ZFYVE28: variants seen among roughly 807,000 people sequenced by gnomAD.
The protein encoded by ZFYVE28 is lateral signaling target protein 2 homolog.
ZFYVE28 carries 40 observed loss-of-function variants against 82.1 expected under a neutral mutation model. The ratio of observed to expected loss-of-function variants is 0.49; its 90% CI spans 0.38 to 0.63. The LOEUF is 0.63. ZFYVE28 is among the 30% of genes least tolerant of loss of function. The pLI is 0.00. For synonymous variants in ZFYVE28, 612 were observed against 546.1 expected (o/e 1.12, Z -1.68); for missense variants, 1,321 against 1,242.1 (o/e 1.06, Z -0.96).
In ZFYVE28 at chr4:2,409,804, T is replaced by C. The variant is rs945544388; in HGVS notation, c.39+8481A>G. Among the ~76,000 whole-genome samples the C allele has an allele frequency of 6.6e-6, 1 of 152,206 alleles. No individual in the cohort carries two copies. Among genetic ancestry groups the C allele is most frequent in the Non-Finnish European group, 1.5e-5 (1 of 68,038 alleles). ...CCAGACACAGAACTCCTTCACGCTG[T>C]CTTCTGGAAGCCCCAGGACAAGGGC... On this transcript the variant is annotated intron_variant, in intron 1 of 12. Transcript: ENST00000290974. The surrounding 1 kb of genome is among the most constrained non-coding windows in gnomAD (Gnocchi z 4.4).
At chr4:2,289,014 T>G (rs1040387721) in intron 8 of ZFYVE28, among the ~76,000 whole-genome samples, 3 of 151,430 alleles carry the variant, frequency 2.0e-5, no homozygotes, top group African/African-American at 7.3e-5. Context: ...CTGGGCATGG[T>G]GGCTCATGCC....
intron 8 of ZFYVE28, 123 bp from the exon 9 acceptor site, chr4:2,274,339 C>T (rs1243840754): frequency 3.9e-6 from 5 of 1,273,460 alleles, no homozygotes; most frequent in Non-Finnish European, 5.3e-6. Context: ...AGGCGTGTAT[C>T]TGTTGCCCAG....
rs558438845 is a variant in ZFYVE28, at chr4:2,344,748, T to C, written c.181-3133A>G. Among the ~76,000 whole-genome samples the C allele has an allele frequency of 8.0e-5, 12 of 150,692 alleles. No homozygotes were observed. In the South Asian group the frequency reaches 2.5e-3, roughly 32 times the overall value. On this transcript the variant is annotated intron_variant, in intron 2 of 12. Coordinates refer to ENST00000290974, the MANE Select transcript of ZFYVE28 (RefSeq NM_020972.3). ...CCCGTCTCTACTAAAAATACACAATTAGCCGGGTGTGGTGGCGAATGCCTA... is the reference window on the plus strand; with the variant it reads ...CCCGTCTCTACTAAAAATACACAATCAGCCGGGTGTGGTGGCGAATGCCTA...
rs540861600 is a variant in ZFYVE28, at chr4:2,339,117, CCT to C, written c.521+334_521+335del. 1.1e-3 allele frequency among the ~76,000 whole-genome samples: 169 copies of C among 152,258 alleles called. 1 individual carries two copies. Among genetic ancestry groups the C allele is most frequent in the African/African-American group, 3.9e-3 (160 of 41,542 alleles). ...GTGAGCCACCGCACCCGCCTGGCTG[CCT>C]CTGTTTTCTTCTCACCTGTGACGTC... On this transcript the variant is annotated intron_variant, in intron 4 of 12. Coordinates refer to ENST00000290974, the MANE Select transcript of ZFYVE28 (RefSeq NM_020972.3). This position sits in a 1 kb window ranked among gnomAD's most constrained non-coding sequence, Gnocchi z 5.0.
In ZFYVE28 at chr4:2,274,232, G is replaced by C. The variant is rs760487168; in HGVS notation, c.2052-16C>G. ...TGTGGAGCTGCTGCATGGAGAAGGAGATACCGGTGTGTGGGGTGGGGCATG... is the reference window on the plus strand; with the variant it reads ...TGTGGAGCTGCTGCATGGAGAAGGACATACCGGTGTGTGGGGTGGGGCATG... On this transcript the variant is annotated splice_polypyrimidine_tract_variant and intron_variant, in intron 8 of 12. Coordinates refer to ENST00000290974, the MANE Select transcript of ZFYVE28 (RefSeq NM_020972.3). The C allele has an allele frequency of 1.2e-6, 2 of 1,608,554 alleles. No individual in the cohort carries two copies. The highest frequency in any genetic ancestry group is 2.2e-5 in the East Asian group (1 of 44,694).
At chr4:2,287,257 G>C (rs938732133) in intron 8 of ZFYVE28, 4 of 152,288 alleles carry the variant, frequency 2.6e-5, no homozygotes, top group African/African-American at 9.6e-5. Flanking sequence ...TCTGTCATCT[G>C]ATCCTAAGAG....
intron 9 of ZFYVE28, among the ~76,000 whole-genome samples, chr4:2,273,494 G>C (rs979733504): frequency 4.6e-5 from 7 of 152,198 alleles, no homozygotes; most frequent in African/African-American, 1.7e-4. Context: ...AGAGATCAGG[G>C]GAAGGGAGAC....
chr4:2,311,270 A>G (rs1025725766), intron 7 of ZFYVE28, among the ~76,000 whole-genome samples: 3 of 152,178 alleles, frequency 2.0e-5, no homozygotes, highest in African/African-American at 7.2e-5. Flanking sequence ...TCACGCTTAT[A>G]ATCCCAGCAC....
At chr4:2,299,743 G>T (rs767684830) in intron 8 of ZFYVE28, among the ~76,000 whole-genome samples, 2 of 91,266 alleles carry the variant, frequency 2.2e-5, no homozygotes, top group Non-Finnish European at 4.7e-5. Context: ...ACCATGTTCA[G>T]TGGAAAAAAA....
At position 2,331,357 on chromosome 4, in the gene ZFYVE28, C is replaced by T. The variant is rs75560885; in HGVS notation, c.701+4348G>A. The stretch of plus-strand genomic sequence containing the variant: ...TCCTTTAAAGGAACTGTTTTAAGGC[C>T]GGGGCTGGGCACGGTACCTCATGCC... On this transcript the variant is annotated intron_variant, in intron 6 of 12. Transcript: ENST00000290974. 5.6e-3 allele frequency among the ~76,000 whole-genome samples: 845 copies of T among 151,752 alleles called. 9 individuals are homozygous for T. Among genetic ancestry groups the T allele is most frequent in the African/African-American group, 0.02 (813 of 41,350 alleles).
Position 2,355,266 on chromosome 4 carries a change from ATATAT to A in ZFYVE28, c.40-1198_40-1194del, listed in dbSNP as rs1725131935. 6.5e-4 allele frequency among the ~76,000 whole-genome samples: 10 copies of A among 15,280 alleles called. 1 individual carries two copies. Among genetic ancestry groups the A allele is most frequent in the Non-Finnish European group, 9.0e-4 (8 of 8,896 alleles). 10.0% of individuals were successfully genotyped at this position (15,280 alleles called of 152,430 possible). A position where few individuals can be genotyped will look rare whatever the true frequency, so the allele number is the denominator to read the frequency against. The stretch of plus-strand genomic sequence containing the variant: ...TATATATATATATATATATATATAT[ATATAT>A]AATGATTCTTCTTTTTTTTTTTTTT... On this transcript the variant is annotated intron_variant, in intron 1 of 12. Transcript: ENST00000290974.
At chr4:2,350,313 A>G (rs997229670) in intron 2 of ZFYVE28, among the ~76,000 whole-genome samples, 3 of 151,880 alleles carry the variant, frequency 2.0e-5, no homozygotes. Flanking sequence ...AAATACAAAA[A>G]ATTAGCCGGG....
In ZFYVE28 at chr4:2,300,273, C is replaced by T. The variant is rs1577968592; in HGVS notation, c.2051+4016G>A. Among the ~76,000 whole-genome samples the T allele has an allele frequency of 1.3e-5, 2 of 152,198 alleles. No homozygotes were observed. The highest frequency in any genetic ancestry group is 4.1e-4 in the South Asian group (2 of 4,826). Reference sequence around the variant, plus strand: ...GACTTTCTGTCATCTAGACAAGTAACTTCCAAGGGTGACTTCGAGAGGACG... The same window carrying T: ...GACTTTCTGTCATCTAGACAAGTAATTTCCAAGGGTGACTTCGAGAGGACG... On this transcript the variant is annotated intron_variant, in intron 8 of 12. Coordinates refer to ENST00000290974, the MANE Select transcript of ZFYVE28 (RefSeq NM_020972.3). This position sits in a 1 kb window ranked among gnomAD's most constrained non-coding sequence, Gnocchi z 4.6.
chr4:2,411,371 T>A (rs1453453676), intron 1 of ZFYVE28, among the ~76,000 whole-genome samples: 1 of 152,236 alleles, frequency 6.6e-6, no homozygotes, highest in Non-Finnish European at 1.5e-5. Flanking sequence ...TACCATAACA[T>A]AAAATGTTCT....
chr4:2,404,277 G>A (rs577084081), intron 1 of ZFYVE28, among the ~76,000 whole-genome samples: 69 of 67,048 alleles, frequency 1.0e-3, no homozygotes, highest in African/African-American at 3.7e-3. Context: ...AGCCAAGATC[G>A]CGCCACTGCA....
intron 1 of ZFYVE28, among the ~76,000 whole-genome samples, chr4:2,379,721 T>A (rs926855854): frequency 2.0e-5 from 3 of 152,164 alleles, no homozygotes; most frequent in African/African-American, 7.2e-5. Context: ...TCTATCAAAT[T>A]TTTCTACAAC....
At chr4:2,404,328 A>AAAAACC (rs1731568852) in intron 1 of ZFYVE28, among the ~76,000 whole-genome samples, 1 of 38,184 alleles carries the variant, frequency 2.6e-5, no homozygotes, top group Non-Finnish European at 5.4e-5. Flanking sequence ...AAAAAAAAAA[A>AAAAACC]CGCTGAAGAT....
chr4:2,273,042 G>T, intron 10 of ZFYVE28, 131 bp downstream of exon 10: 1 of 731,504 alleles, frequency 1.4e-6, no homozygotes, highest in Non-Finnish European at 2.3e-6. Flanking sequence ...GGGATCCTGG[G>T]GTCGACGATT....
rs1302369249 is a variant in ZFYVE28 at position 2,408,714 on chromosome 4, C to T, written c.39+9571G>A. The stretch of plus-strand genomic sequence containing the variant: ...TAAGCCTGCCTAGATGATGAAGCCC[C>T]GCCCAGATGCCACCCCGCCCAGATG... On this transcript the variant is annotated intron_variant, in intron 1 of 12. Coordinates refer to ENST00000290974, the MANE Select transcript of ZFYVE28 (RefSeq NM_020972.3). This position sits in a 1 kb window ranked among gnomAD's most constrained non-coding sequence, Gnocchi z 4.3. 6.6e-6 allele frequency among the ~76,000 whole-genome samples: 1 copy of T among 152,128 alleles called. No homozygotes were observed. Among genetic ancestry groups the T allele is most frequent in the African/African-American group, 2.4e-5 (1 of 41,408 alleles).
Sources: allele counts gnomAD v4.1 joint callset (sites outside exome capture counted in the v4.1 genomes callset), GRCh38; gene constraint gnomAD v4.1.1; non-coding constraint Gnocchi (gnomAD v3.1); transcripts MANE v1.5; gene names NCBI Gene and HGNC (gene_info 2026-07-23, HGNC 2026-07-21).